The following EZR variants were observed in gnomAD, a reference collection of about 807,000 sequenced individuals.
EZR encodes the protein cytovillin 2.
In EZR, 40 loss-of-function variants were observed where a neutral mutation model predicts 74.8. The ratio of observed to expected loss-of-function variants is 0.53; its 90% CI spans 0.42 to 0.70. The LOEUF is 0.70. Ranked by LOEUF, EZR falls within the 30% of genes least tolerant of loss-of-function variation. EZR has a pLI of 0.00. For missense variants in EZR, 678 were observed against 755.8 expected, an observed-to-expected ratio of 0.90 and a Z score of 1.21; for synonymous variants, 341 against 283.3, an observed-to-expected ratio of 1.20 and a Z score of -2.05.
chr6:158,767,445 G>C lies in EZR; in HGVS notation c.1412C>G (p.Pro471Arg). 2 of 1,612,796 alleles carry C rather than the reference G, an allele frequency of 1.2e-6. No individual in the cohort carries two copies. The highest frequency in any genetic ancestry group is 1.7e-6 in the Non-Finnish European group (2 of 1,179,166). Reference sequence around the variant, plus strand: ...CTCGTACACGGGGGGTGGTGGGGGCGGGGGTGCTGTCATCACCAGGTGCAG... The same window carrying C: ...CTCGTACACGGGGGGTGGTGGGGGCCGGGGTGCTGTCATCACCAGGTGCAG... Reference protein sequence around the residue: ...EELHLVMTAPPPPPPPVYEPV... With the variant: ...EELHLVMTAPRPPPPPVYEPV... Residue 471 changes from proline (P) to arginine (R), a missense_variant, in exon 13 of 14, where the codon CCG (proline) becomes CGG (arginine). By Grantham distance (103) the Pro-to-Arg change is moderately radical. This residue lies in a region of EZR where 342 missense variants were observed against 341.2 expected (regional missense o/e 1.00). Transcript: ENST00000367075.
At chr6:158,786,575 A>G (rs1300574621) in intron 4 of EZR, among the ~76,000 whole-genome samples, 4 of 151,872 alleles carry the variant, frequency 2.6e-5, no homozygotes, top group Non-Finnish European at 5.9e-5. Flanking sequence ...ACTGTTAAGA[A>G]TTCCTCCTGC....
chr6:158,769,485 G>A (rs1791027723), intron 11 of EZR, 67 bp from the exon 12 acceptor site: 1 of 1,465,188 alleles, frequency 6.8e-7, no homozygotes, highest in Non-Finnish European at 9.4e-7. Context: ...TTGTGAATGA[G>A]TGTTCATGTG....
chr6:158,812,680 T>C (rs933848117), intron 2 of EZR, among the ~76,000 whole-genome samples: 1 of 152,122 alleles, frequency 6.6e-6, no homozygotes, highest in Non-Finnish European at 1.5e-5. Flanking sequence ...CAAGGACTTT[T>C]TTCATCAACG....
intron 2 of EZR, among the ~76,000 whole-genome samples, chr6:158,814,386 G>A (rs1349756205): frequency 3.8e-4 from 10 of 26,026 alleles, no homozygotes; most frequent in Non-Finnish European, 8.3e-4. Context: ...TTTTCCTCTC[G>A]ACGTTACCTA....
chr6:158,797,094 T>A (rs1777089765), intron 2 of EZR, among the ~76,000 whole-genome samples: 2 of 152,218 alleles, frequency 1.3e-5, no homozygotes, highest in African/African-American at 4.8e-5. Context: ...TTGGGAAGCA[T>A]CCATTTCCTC....
In EZR at chr6:158,766,704, A is replaced by G. The variant is rs1790873611; in HGVS notation, c.*210T>C. On this transcript the variant is annotated 3_prime_UTR_variant, in exon 14 of 14. Transcript: ENST00000367075. ...AGGTGATTCGAGAATAATCGCGAGA[A>G]TCAGGCCTGCTTGGCACTATTACAA... The G allele has an allele frequency of 1.7e-6, 1 of 595,502 alleles. No individual in the cohort carries two copies. Among genetic ancestry groups the G allele is most frequent in the Admixed American group, 3.0e-5 (1 of 33,140 alleles). The allele number at this position is 595,502 out of a possible 1,614,324, so 36.9% of individuals were successfully genotyped here.
In EZR at chr6:158,771,460, T is replaced by C. The variant is rs111356268; in HGVS notation, c.796-53A>G. ...CTCAAGCTCCTTCGTTTGGTTTTCT[T>C]CTCCAAACCATCCTTCACAAAGGTC... On this transcript the variant is annotated intron_variant, in intron 8 of 13. Coordinates refer to ENST00000367075, the MANE Select transcript of EZR (RefSeq NM_001111077.2). The C allele has an allele frequency of 1.2e-3, 1,778 of 1,521,116 alleles. 16 individuals carry two copies. In the African/African-American group the frequency reaches 0.022, roughly 19 times the overall value. The allele number at this position is 1,521,116 out of a possible 1,614,324, so 94.2% of individuals were successfully genotyped here.
chr6:158,799,455 A>C (rs746749567), intron 2 of EZR, among the ~76,000 whole-genome samples: 1 of 152,244 alleles, frequency 6.6e-6, no homozygotes, highest in Non-Finnish European at 1.5e-5. Context: ...ATAATCCTTT[A>C]TATAAAAACA....
intron 11 of EZR, 99 bp downstream of exon 11, chr6:158,769,685 T>G (rs1182583941): frequency 6.7e-7 from 1 of 1,500,736 alleles, no homozygotes; most frequent in Non-Finnish European, 9.1e-7. Flanking sequence ...AGTTTACAGC[T>G]TCCAGTCATG....
intron 1 of EZR, among the ~76,000 whole-genome samples, chr6:158,818,660 G>A (rs1777620691): frequency 6.6e-6 from 1 of 151,670 alleles, no homozygotes; most frequent in South Asian, 2.1e-4. Context: ...AGCGGAGAGA[G>A]GCGGAGAAGA....
At chr6:158,792,042 G>A (rs139886317) in intron 2 of EZR, among the ~76,000 whole-genome samples, 1 of 151,996 alleles carries the variant, frequency 6.6e-6, no homozygotes, top group African/African-American at 2.4e-5. Flanking sequence ...TCTCTTCTAA[G>A]TTTGAAGACA....
intron 12 of EZR, among the ~76,000 whole-genome samples, chr6:158,768,381 T>C (rs928721895): frequency 2.1e-4 from 26 of 123,088 alleles, no homozygotes; most frequent in Non-Finnish European, 5.8e-5. Context: ...CAGCTTGTTC[T>C]TTATAGCCGT....
rs1393769402 is a variant in EZR, at chr6:158,798,132, T to A, written c.13-8761A>T. Among the ~76,000 whole-genome samples the A allele has an allele frequency of 2.0e-5, 3 of 152,222 alleles. No individual in the cohort carries two copies. In the South Asian group the frequency reaches 6.2e-4, roughly 32 times the overall value. Reference sequence around the variant, plus strand: ...TGACTTAGCATAATGTTTAAAAGGGTTATTCATGTTGTAGCATGTACCAGC... The same window carrying A: ...TGACTTAGCATAATGTTTAAAAGGGATATTCATGTTGTAGCATGTACCAGC... On this transcript the variant is annotated intron_variant, in intron 2 of 13. Transcript: ENST00000367075.
intron 8 of EZR, among the ~76,000 whole-genome samples, chr6:158,775,034 CTTTTTTTTTTTTTTT>C (rs397732491): frequency 8.2e-6 from 1 of 121,550 alleles, no homozygotes; most frequent in Admixed American, 9.0e-5. Flanking sequence ...AGCAGGAGCC[CTTTTTTTTTTTTTTT>C]TTTGAGACGG....
In EZR at chr6:158,790,791, A is replaced by G. The variant is rs565852667; in HGVS notation, c.13-1420T>C. ...AGATTTACTAAAGTGTATGAAAAAC[A>G]CTCAAATCTGGCTACTTTATGTCAC... On this transcript the variant is annotated intron_variant, in intron 2 of 13. Coordinates refer to ENST00000367075, the MANE Select transcript of EZR (RefSeq NM_001111077.2). Among the ~76,000 whole-genome samples the G allele has an allele frequency of 4.6e-5, 7 of 152,358 alleles. No individual in the cohort carries two copies. In the East Asian group the frequency reaches 1.3e-3, roughly 29 times the overall value.
At chr6:158,767,664 G>GCTCCT in intron 12 of EZR, 152 bp from the exon 13 acceptor site, 1 of 707,332 alleles carries the variant, frequency 1.4e-6, no homozygotes, top group Non-Finnish European at 2.2e-6. Flanking sequence ...CCCTCAGGGT[G>GCTCCT]CATGGGGGGT....
Position 158,766,299 on chromosome 6 carries a change from AAAAAAAAAAAAAAC to A in EZR, c.*601_*614del, listed in dbSNP as rs943586503. ...ACAATGTATTCTAAAACTGTTAAGC[AAAAAAAAAAAAAAC>A]AAAAAAAAAAATCCAAGTGTCCTCC... On this transcript the variant is annotated 3_prime_UTR_variant, in exon 14 of 14. Coordinates refer to ENST00000367075, the MANE Select transcript of EZR (RefSeq NM_001111077.2). 1 of 118,494 alleles carries A rather than the reference AAAAAAAAAAAAAAC, an allele frequency of 8.4e-6. No homozygotes were observed. Among genetic ancestry groups the A allele is most frequent in the African/African-American group, 3.2e-5 (1 of 31,154 alleles). 7.3% of individuals were successfully genotyped at this position (118,494 alleles called of 1,614,324 possible). A position where few individuals can be genotyped will look rare whatever the true frequency, so the allele number is the denominator to read the frequency against.
At chr6:158,818,442 CGAG>C (rs1562511242) in intron 1 of EZR, among the ~76,000 whole-genome samples, 2 of 148,788 alleles carry the variant, frequency 1.3e-5, no homozygotes, top group African/African-American at 5.0e-5. Flanking sequence ...GGGGTGGGTC[CGAG>C]GAGAGGGGGT....
intron 7 of EZR, among the ~76,000 whole-genome samples, chr6:158,781,949 G>A (rs564961231): frequency 4.0e-5 from 6 of 151,654 alleles, no homozygotes; most frequent in African/African-American, 1.5e-4. Flanking sequence ...TGGTAGAGAC[G>A]GGGTTTCGCC....
Sources: allele counts gnomAD v4.1 joint callset (sites outside exome capture counted in the v4.1 genomes callset), GRCh38; gene constraint gnomAD v4.1.1; regional missense constraint gnomAD v4.1.1; transcripts MANE v1.5; gene names NCBI Gene and HGNC (gene_info 2026-07-23, HGNC 2026-07-21).